Variants in MEGF6 observed in about 807,000 individuals in gnomAD.
MEGF6 encodes multiple EGF like domains 6.
A neutral mutation model predicts 207.1 loss-of-function variants in MEGF6; 184 were observed. That is an observed-to-expected ratio of 0.89 (90% CI 0.79 to 1.00). MEGF6 has a LOEUF of 1.00. Ranked by LOEUF, MEGF6 falls within the 50% of genes least tolerant of loss-of-function variation. The probability of loss-of-function intolerance (pLI) is 0.00; values close to 1 mark genes in which losing one functional copy is unlikely to be tolerated. For missense variants in MEGF6, 2,282 were observed against 2,202.9 expected, an observed-to-expected ratio of 1.04 and a Z score of -0.72; for synonymous variants, 1,038 against 910.0, an observed-to-expected ratio of 1.14 and a Z score of -2.53.
intron 4 of MEGF6, among the ~76,000 whole-genome samples, chr1:3,569,995 G>T (rs773974122): frequency 6.6e-6 from 1 of 152,230 alleles, no homozygotes; most frequent in Non-Finnish European, 1.5e-5. Context: ...AGGGAAGGGG[G>T]AGAACAAACC....
chr1:3,509,230 A>G lies in MEGF6; in HGVS notation c.1373T>C (p.Met458Thr). The change falls in exon 12 of 37, where the codon ATG becomes ACG. Residue 458 changes from methionine (M) to threonine (T), a missense_variant. By Grantham distance (81) the Met-to-Thr change is moderately conservative (BLOSUM62 -1). Transcript: ENST00000356575. ...AGGCAGCTCGCCGTCCAGGTCCACC[A>G]TCGGCTCCTCCAGGGCTGCCAGGGG... Reference protein sequence around the residue: ...RRGCSPLEEPMVDLDGELPFV... With the variant: ...RRGCSPLEEPTVDLDGELPFV... 2.6e-6 allele frequency: 4 copies of G among 1,526,120 alleles called. No individual in the cohort carries two copies. Among genetic ancestry groups the G allele is most frequent in the African/African-American group, 1.4e-5 (1 of 71,214 alleles). 94.5% of individuals were successfully genotyped at this position (1,526,120 alleles called of 1,614,324 possible).
intron 4 of MEGF6, among the ~76,000 whole-genome samples, chr1:3,549,314 G>A (rs549140616): frequency 6.6e-6 from 1 of 152,218 alleles, no homozygotes; most frequent in East Asian, 1.9e-4. Context: ...CAACCCCTCA[G>A]GCTTGGGCTG....
intron 2 of MEGF6, among the ~76,000 whole-genome samples, chr1:3,602,170 C>G (rs1392306865): frequency 1.3e-5 from 2 of 152,198 alleles, no homozygotes; most frequent in African/African-American, 4.8e-5. Context: ...GACCACTCTC[C>G]CCTTCCTGCG....
At chr1:3,545,927 T>C (rs1030657996) in intron 4 of MEGF6, among the ~76,000 whole-genome samples, 1 of 151,884 alleles carries the variant, frequency 6.6e-6, no homozygotes, top group Non-Finnish European at 1.5e-5. Flanking sequence ...TGACCCCAAG[T>C]CCAGCAGGCT....
At chr1:3,601,885 C>T (rs1220117967) in intron 2 of MEGF6, among the ~76,000 whole-genome samples, 1 of 152,224 alleles carries the variant, frequency 6.6e-6, no homozygotes. Context: ...AGAAGCTAGC[C>T]ACGATCTTCT....
chr1:3,605,856 G>C (rs1327432662), intron 1 of MEGF6, among the ~76,000 whole-genome samples: 1 of 152,194 alleles, frequency 6.6e-6, no homozygotes, highest in Non-Finnish European at 1.5e-5. Context: ...AGGGGCGGAG[G>C]CCGTGCCCAC....
At position 3,556,385 on chromosome 1, in the gene MEGF6, G is replaced by A. The variant is rs563861355; in HGVS notation, c.481+23440C>T. 9.2e-5 allele frequency among the ~76,000 whole-genome samples: 14 copies of A among 152,344 alleles called. No homozygotes were observed. The highest frequency in any genetic ancestry group is 7.8e-4 in the Admixed American group (12 of 15,308). On this transcript the variant is annotated intron_variant, in intron 4 of 36. Coordinates refer to ENST00000356575, the MANE Select transcript of MEGF6 (RefSeq NM_001409.4). The surrounding 1 kb of genome is among the most constrained non-coding windows in gnomAD (Gnocchi z 4.4). ...TACATGAAGTTTCATGGTAAGTGGC[G>A]CATCCAAAACCGCCGGCTGGCTGAA...
chr1:3,517,756 C>G (rs898992393), intron 5 of MEGF6, among the ~76,000 whole-genome samples: 1 of 152,224 alleles, frequency 6.6e-6, no homozygotes, highest in Admixed American at 6.5e-5. Context: ...TGAGTGTGCC[C>G]ATCAGACGTG....
chr1:3,505,590 T>C, intron 15 of MEGF6, 34 bp from the exon 16 acceptor site: 1 of 1,518,228 alleles, frequency 6.6e-7, no homozygotes, highest in Non-Finnish European at 8.8e-7. Flanking sequence ...GGGGCTCCCG[T>C]CTGAAGCCCC....
intron 4 of MEGF6, among the ~76,000 whole-genome samples, chr1:3,552,242 G>C (rs1259087295): frequency 1.3e-5 from 2 of 152,214 alleles, no homozygotes; most frequent in Non-Finnish European, 2.9e-5. Context: ...CGCCCACCAG[G>C]GCCAGCCTCC....
intron 35 of MEGF6, among the ~76,000 whole-genome samples, chr1:3,491,748 A>G: frequency 1.1e-5 from 1 of 94,792 alleles, no homozygotes; most frequent in African/African-American, 3.8e-5. Flanking sequence ...CTTTCCCAAC[A>G]CCGCTGGGGG....
At chr1:3,607,656 C>T (rs996102747) in intron 1 of MEGF6, among the ~76,000 whole-genome samples, 8 of 152,186 alleles carry the variant, frequency 5.3e-5, no homozygotes, top group African/African-American at 1.4e-4. Context: ...TGAGGAGAAC[C>T]CAATAAAGCA....
At chr1:3,582,263 TTC>T (rs1643816422) in intron 3 of MEGF6, among the ~76,000 whole-genome samples, 1 of 152,168 alleles carries the variant, frequency 6.6e-6, no homozygotes, top group African/African-American at 2.4e-5. Context: ...CCACAAGATG[TTC>T]CCCGGACCCT....
intron 35 of MEGF6, among the ~76,000 whole-genome samples, chr1:3,491,353 C>A (rs1640355492): frequency 1.3e-5 from 2 of 152,092 alleles, no homozygotes; most frequent in Non-Finnish European, 2.9e-5. Flanking sequence ...CGGCACCCAG[C>A]GCAGGTGCCG....
At chr1:3,504,637 C>T (rs772354771) in intron 17 of MEGF6, among the ~76,000 whole-genome samples, 20 of 152,106 alleles carry the variant, frequency 1.3e-4, no homozygotes, top group Admixed American at 4.6e-4. Context: ...GCATGGACTC[C>T]GCTGGTCCAT....
rs1640309801 is a variant in MEGF6 at position 3,490,580 on chromosome 1, A to T, written c.4574T>A (p.Leu1525Gln). 3.1e-6 allele frequency: 5 copies of T among 1,613,208 alleles called. No homozygotes were observed. The Admixed American group carries it at 5.0e-5, about 16-fold the overall frequency. ...GGATGTGGGTCTGCTGGAGGCGGGC[A>T]GTGTGCCCGCTGGGGAAAAGGAGAA... ...PSLAQGSAGT[L>Q]PASSRPTSRS... Residue 1525 changes from leucine (L) to glutamine (Q), a missense_variant, in exon 37 of 37, where the codon CTG becomes CAG. Physicochemically the swap from Leu to Gln is moderately radical, Grantham distance 113 (BLOSUM62 -2). Coordinates refer to ENST00000356575, the MANE Select transcript of MEGF6 (RefSeq NM_001409.4).
intron 1 of MEGF6, among the ~76,000 whole-genome samples, chr1:3,607,545 G>T (rs947661059): frequency 6.6e-6 from 1 of 152,212 alleles, no homozygotes; most frequent in African/African-American, 2.4e-5. Flanking sequence ...GCACCCGCAC[G>T]GCCCCGGCGG....
At chr1:3,592,030 C>CTCAGG (rs1197983572) in intron 3 of MEGF6, among the ~76,000 whole-genome samples, 3 of 152,202 alleles carry the variant, frequency 2.0e-5, no homozygotes, top group Non-Finnish European at 4.4e-5. Flanking sequence ...CACATGCTGG[C>CTCAGG]TCAGGTCAGG....
intron 2 of MEGF6, among the ~76,000 whole-genome samples, chr1:3,599,392 C>T (rs1035845442): frequency 1.3e-5 from 2 of 152,218 alleles, no homozygotes; most frequent in African/African-American, 4.8e-5. Context: ...CTCTCGCCCT[C>T]GGCTCTCAGC....
Sources: allele counts gnomAD v4.1 joint callset (sites outside exome capture counted in the v4.1 genomes callset), GRCh38; gene constraint gnomAD v4.1.1; non-coding constraint Gnocchi (gnomAD v3.1); transcripts MANE v1.5; gene names NCBI Gene and HGNC (gene_info 2026-07-23, HGNC 2026-07-21).